C1orf21: variants seen among roughly 807,000 people sequenced by gnomAD.
The protein encoded by C1orf21 is uncharacterized protein C1orf21.
A neutral mutation model predicts 18.7 loss-of-function variants in C1orf21; 3 were observed. That is an observed-to-expected ratio of 0.16 (90% CI 0.07 to 0.42). The LOEUF (loss-of-function observed/expected upper bound fraction) is 0.42, where lower values mean the gene tolerates loss of function less well. Ranked by LOEUF, C1orf21 falls within the 10% of genes least tolerant of loss-of-function variation. The pLI, the probability that C1orf21 is intolerant of heterozygous loss-of-function variation, is 0.99. For missense variants in C1orf21, 104 were observed against 143.6 expected (o/e 0.72, Z 1.41); for synonymous variants, 41 against 46.4 (o/e 0.88, Z 0.47).
chr1:184,406,690 G>GTAGA (rs1225109251), intron 1 of C1orf21, among the ~76,000 whole-genome samples: 1 of 152,216 alleles, frequency 6.6e-6, no homozygotes, highest in Admixed American at 6.5e-5. Context: ...AGCTGCATGT[G>GTAGA]TATCTAAGGG....
At chr1:184,537,802 T>C (rs4650667) in intron 3 of C1orf21, among the ~76,000 whole-genome samples, 80,486 of 151,882 alleles carry the variant, frequency 0.53, 21,855 homozygotes, top group African/African-American at 0.67. Context: ...AGGCATGCGC[T>C]ACCATGCCGG....
At chr1:184,499,726 C>A (rs1307122946) in intron 2 of C1orf21, among the ~76,000 whole-genome samples, 2 of 151,552 alleles carry the variant, frequency 1.3e-5, no homozygotes, top group African/African-American at 2.4e-5. Context: ...CTCAGACCAA[C>A]CAGGATTTGA....
chr1:184,561,832 A>G lies in C1orf21; in HGVS notation c.190-28907A>G, dbSNP rs563778101. Among the ~76,000 whole-genome samples the G allele has an allele frequency of 2.3e-4, 35 of 152,070 alleles. No individual in the cohort carries two copies. The East Asian group carries it at 3.5e-3, about 15-fold the overall frequency. The stretch of plus-strand genomic sequence containing the variant: ...GGGGTTTCACCATATTGGCCAGGCT[A>G]GTCTCTTGGCCAGGCTGGTCTCGAA... On this transcript the variant is annotated intron_variant, in intron 3 of 5. Coordinates refer to ENST00000235307, the MANE Select transcript of C1orf21 (RefSeq NM_030806.4).
intron 1 of C1orf21, among the ~76,000 whole-genome samples, chr1:184,446,524 A>G (rs1363086187): frequency 1.3e-5 from 2 of 152,204 alleles, no homozygotes; most frequent in African/African-American, 4.8e-5. Context: ...GAAGAATTAA[A>G]TGAACATGTT....
At chr1:184,593,734 C>T (rs1376147540) in intron 4 of C1orf21, among the ~76,000 whole-genome samples, 4 of 152,258 alleles carry the variant, frequency 2.6e-5, no homozygotes, top group Admixed American at 2.6e-4. Flanking sequence ...AACCCAGATG[C>T]CTTTAACAGG....
At chr1:184,529,646 C>T (rs1416751) in intron 3 of C1orf21, among the ~76,000 whole-genome samples, 87,792 of 151,820 alleles carry the variant, frequency 0.58, 28,270 homozygotes, top group African/African-American at 0.88. Context: ...ATAGGAGCAA[C>T]GACAGATAAG....
intron 1 of C1orf21, among the ~76,000 whole-genome samples, chr1:184,467,897 G>A (rs1427197583): frequency 6.6e-6 from 1 of 152,084 alleles, no homozygotes; most frequent in Non-Finnish European, 1.5e-5. Flanking sequence ...AATTTGCCCA[G>A]AGACACAAAA....
chr1:184,576,378 G>A (rs564054589), intron 3 of C1orf21, among the ~76,000 whole-genome samples: 1 of 152,214 alleles, frequency 6.6e-6, no homozygotes, highest in Non-Finnish European at 1.5e-5. Context: ...GCCCACCTGG[G>A]CCTTCCAAAG....
chr1:184,484,695 C>G (rs1476454668), intron 2 of C1orf21, among the ~76,000 whole-genome samples: 1 of 152,146 alleles, frequency 6.6e-6, no homozygotes, highest in Non-Finnish European at 1.5e-5. Flanking sequence ...TTATAAACAT[C>G]CCTTTAAATG....
chr1:184,461,442 C>T (rs575769689), intron 1 of C1orf21, among the ~76,000 whole-genome samples: 1 of 152,278 alleles, frequency 6.6e-6, no homozygotes, highest in African/African-American at 2.4e-5. Context: ...CTGATCATTG[C>T]TGCCTCCCAA....
chr1:184,507,932 A>C (rs1658088493), intron 3 of C1orf21, among the ~76,000 whole-genome samples: 2 of 152,188 alleles, frequency 1.3e-5, no homozygotes. Context: ...TAAAATAGCT[A>C]AATTTAAGGG....
intron 5 of C1orf21, among the ~76,000 whole-genome samples, chr1:184,615,497 G>T (rs145278478): frequency 1.3e-5 from 2 of 152,114 alleles, no homozygotes; most frequent in African/African-American, 2.4e-5. Context: ...ATTGAGTAAC[G>T]CATCCTGACA....
intron 5 of C1orf21, among the ~76,000 whole-genome samples, chr1:184,616,699 C>T (rs1659829705): frequency 7.1e-6 from 1 of 140,488 alleles, no homozygotes; most frequent in Non-Finnish European, 1.5e-5. Flanking sequence ...CTTGTGTGTG[C>T]ACACGTGTGT....
At chr1:184,545,839 C>T (rs1042519243) in intron 3 of C1orf21, 8 of 152,126 alleles carry the variant, frequency 5.3e-5, no homozygotes, top group Non-Finnish European at 1.0e-4. Flanking sequence ...CTATTTAAAA[C>T]GCCCTTTATT....
intron 1 of C1orf21, among the ~76,000 whole-genome samples, chr1:184,463,211 T>C (rs1181058625): frequency 1.3e-5 from 2 of 152,104 alleles, no homozygotes; most frequent in Admixed American, 1.3e-4. Context: ...AAAAGTCAAC[T>C]GATGCAGTTG....
intron 1 of C1orf21, among the ~76,000 whole-genome samples, chr1:184,401,489 A>G (rs1359718008): frequency 6.6e-6 from 1 of 152,166 alleles, no homozygotes; most frequent in Non-Finnish European, 1.5e-5. Context: ...AGTCTCCCAA[A>G]GTACTGGGAT....
chr1:184,587,655 G>GT (rs3034488), intron 3 of C1orf21, among the ~76,000 whole-genome samples: 35,246 of 127,902 alleles, frequency 0.28, 5,891 homozygotes, highest in East Asian at 0.39. Flanking sequence ...TTTTTGTATG[G>GT]TTTTTTTTTT....
chr1:184,587,889 G>A (rs1331433693), intron 3 of C1orf21, among the ~76,000 whole-genome samples: 9 of 152,046 alleles, frequency 5.9e-5, no homozygotes, highest in Admixed American at 4.6e-4. Flanking sequence ...TGCTAGGATT[G>A]CAAGCATGAG....
chr1:184,390,721 T>G (rs989416990), intron 1 of C1orf21, among the ~76,000 whole-genome samples: 3 of 152,180 alleles, frequency 2.0e-5, no homozygotes, highest in Non-Finnish European at 2.9e-5. Context: ...TTTCCAGCTT[T>G]ACTGTGTAAA....
Sources: gnomAD v4.1 joint callset for allele counts (sites outside exome capture counted in the v4.1 genomes callset) on GRCh38, gnomAD v4.1.1 for gene constraint, MANE v1.5 for transcripts, NCBI Gene and HGNC (gene_info 2026-07-23, HGNC 2026-07-21) for gene names.